The following ADAMTSL1 variants were observed in gnomAD, a reference collection of about 807,000 sequenced individuals.
ADAMTSL1 encodes the protein ADAMTS-like protein 1.
A neutral mutation model predicts 201.8 loss-of-function variants in ADAMTSL1; 126 were observed. The ratio of observed to expected loss-of-function variants is 0.62; its 90% confidence interval spans 0.54 to 0.72. ADAMTSL1 has a LOEUF of 0.72. ADAMTSL1 is among the 30% of genes least tolerant of loss of function. The pLI is 0.00. For missense variants in ADAMTSL1, 2,679 were observed against 2,277.8 expected, an observed-to-expected ratio of 1.18 and a Z score of -3.59; for synonymous variants, 1,121 against 903.4, an observed-to-expected ratio of 1.24 and a Z score of -4.32.
At chr9:18,025,162 C>A (rs1043552841) in intron 1 of ADAMTSL1, among the ~76,000 whole-genome samples, 4 of 151,944 alleles carry the variant, frequency 2.6e-5, no homozygotes, top group African/African-American at 7.2e-5. Context: ...GGCTATTAGA[C>A]CTTTGTCAGA....
At chr9:18,627,520 T>C (rs1826467998) in intron 5 of ADAMTSL1, among the ~76,000 whole-genome samples, 1 of 152,210 alleles carries the variant, frequency 6.6e-6, no homozygotes, top group Non-Finnish European at 1.5e-5. Flanking sequence ...ACAAGGTGTT[T>C]GCAGAACACA....
At position 18,693,832 on chromosome 9, in the gene ADAMTSL1, G is replaced by T. The variant is rs544829101; in HGVS notation, c.1574+9032G>T. On this transcript the variant is annotated intron_variant, in intron 13 of 28. Coordinates refer to ENST00000380548, the MANE Select transcript of ADAMTSL1 (RefSeq NM_001040272.6). ...GGTAGCTGTTCTAAGAAAATGGAAAGATGCTCAAAGATGTTAATAGGGGAC... is the reference window on the plus strand; with the variant it reads ...GGTAGCTGTTCTAAGAAAATGGAAATATGCTCAAAGATGTTAATAGGGGAC... 3.9e-5 allele frequency among the ~76,000 whole-genome samples: 6 copies of T among 152,304 alleles called. No homozygotes were observed. In the East Asian group the frequency reaches 5.8e-4, roughly 15 times the overall value.
intron 2 of ADAMTSL1, among the ~76,000 whole-genome samples, chr9:18,399,221 T>C (rs1467733402): frequency 7.4e-6 from 1 of 134,936 alleles, no homozygotes; most frequent in Admixed American, 8.2e-5. Flanking sequence ...CCAGAGATAA[T>C]TCACAAACTT....
At chr9:18,525,341 T>C (rs1564018373) in intron 2 of ADAMTSL1, among the ~76,000 whole-genome samples, 1 of 152,240 alleles carries the variant, frequency 6.6e-6, no homozygotes, top group Non-Finnish European at 1.5e-5. Flanking sequence ...TTTTCTTCTT[T>C]ATTACTCTTG....
chr9:18,865,996 A>C (rs1299908316), intron 23 of ADAMTSL1, among the ~76,000 whole-genome samples: 1 of 151,860 alleles, frequency 6.6e-6, no homozygotes, highest in Non-Finnish European at 1.5e-5. Context: ...TCGTTGAAGG[A>C]AAGGGAGGGT....
chr9:18,459,173 A>C (rs78335165), intron 2 of ADAMTSL1, among the ~76,000 whole-genome samples: 5 of 152,324 alleles, frequency 3.3e-5, no homozygotes, highest in Non-Finnish European at 5.9e-5. Context: ...TTATTTAGAC[A>C]TTCATTAAAT....
rs145592093 is a variant in ADAMTSL1 at position 18,303,326 on chromosome 9, C to T, written c.207+139345C>T. Among the ~76,000 whole-genome samples, 18 of 152,312 alleles carry T rather than the reference C, an allele frequency of 1.2e-4. No homozygotes were observed. In the East Asian group the frequency reaches 3.5e-3, roughly 29 times the overall value. On this transcript the variant is annotated intron_variant, in intron 2 of 29. Transcript: ENST00000680146. ...GAAGACCTTTCTCCACACTTTGATC[C>T]TCCCAGGAGGCAGAACTAGTCAGGT... is the stretch of plus-strand genomic sequence containing the variant.
At chr9:18,796,190 C>G (rs1231225400) in intron 20 of ADAMTSL1, among the ~76,000 whole-genome samples, 1 of 152,144 alleles carries the variant, frequency 6.6e-6, no homozygotes, top group Non-Finnish European at 1.5e-5. Context: ...ATAGGACAAA[C>G]CCATGCCTTT....
At chr9:17,974,298 G>C (rs1418182458) in intron 1 of ADAMTSL1, among the ~76,000 whole-genome samples, 1 of 151,992 alleles carries the variant, frequency 6.6e-6, no homozygotes, top group African/African-American at 2.4e-5. Flanking sequence ...AAAAGAGGAA[G>C]TCAAATTGTC....
chr9:18,474,178 G>A lies in ADAMTSL1; in HGVS notation c.-55G>A. 6.4e-7 allele frequency: 1 copy of A among 1,554,482 alleles called. No homozygotes were observed. Among genetic ancestry groups the A allele is most frequent in the East Asian group, 2.2e-5 (1 of 44,588 alleles). On this transcript the variant is annotated 5_prime_UTR_variant, in exon 1 of 29. Transcript: ENST00000380548. ...AGTACTGGATGTGACAGCAGGCAGA[G>A]GAGCACTTAGCAGCTTATTCAGTGT...
chr9:18,816,963 C>A (rs1823896308), intron 20 of ADAMTSL1, 146 bp from the exon 21 acceptor site: 5 of 1,010,008 alleles, frequency 5.0e-6, no homozygotes, highest in Admixed American at 5.8e-5. Context: ...ATACTGTGCG[C>A]TTGCAATTTT....
chr9:18,185,874 A>G (rs1012549546), intron 2 of ADAMTSL1, among the ~76,000 whole-genome samples: 20 of 152,186 alleles, frequency 1.3e-4, no homozygotes, highest in African/African-American at 3.9e-4. Context: ...AAGTTTCACA[A>G]TTATTGATGT....
intron 2 of ADAMTSL1, among the ~76,000 whole-genome samples, chr9:18,423,524 C>T (rs1019169919): frequency 3.3e-5 from 5 of 152,124 alleles, no homozygotes; most frequent in Non-Finnish European, 7.4e-5. Context: ...TTCAACAAAC[C>T]TTTCATGAGA....
At chr9:18,712,958 G>T (rs1832704587) in intron 14 of ADAMTSL1, among the ~76,000 whole-genome samples, 1 of 151,170 alleles carries the variant, frequency 6.6e-6, no homozygotes, top group Non-Finnish European at 1.5e-5. Flanking sequence ...CATTCTTAAA[G>T]AAAAGAATTT....
At chr9:18,553,175 T>A (rs1404202162) in intron 3 of ADAMTSL1, among the ~76,000 whole-genome samples, 1 of 151,074 alleles carries the variant, frequency 6.6e-6, no homozygotes, top group African/African-American at 2.4e-5. Context: ...CAATGTTTCC[T>A]CTTTTCTTCT....
rs143426557 is a variant in ADAMTSL1, at chr9:18,599,879, G to A, written c.475-22364G>A. 7.2e-3 allele frequency among the ~76,000 whole-genome samples: 1,094 copies of A among 151,030 alleles called. 13 individuals carry two copies. Among genetic ancestry groups the A allele is most frequent in the African/African-American group, 0.025 (1,037 of 41,210 alleles). On this transcript the variant is annotated intron_variant, in intron 4 of 28. Transcript: ENST00000380548. ...CTTTAAAAATCAGATCTGGCTGGGC[G>A]CGGTGGCTCACGCCTGTAATCCCAG...
intron 2 of ADAMTSL1, among the ~76,000 whole-genome samples, chr9:18,505,726 T>C (rs1823087777): frequency 1.3e-5 from 2 of 152,242 alleles, no homozygotes; most frequent in African/African-American, 4.8e-5. Flanking sequence ...TGAAAAGTGT[T>C]ATGTATAGCA....
At chr9:18,401,645 T>A (rs1817988956) in intron 2 of ADAMTSL1, among the ~76,000 whole-genome samples, 1 of 152,232 alleles carries the variant, frequency 6.6e-6, no homozygotes, top group African/African-American at 2.4e-5. Flanking sequence ...CGAGAACACA[T>A]CTAAAGGAAA....
intron 9 of ADAMTSL1, among the ~76,000 whole-genome samples, chr9:18,671,150 C>T (rs1172751143): frequency 3.9e-5 from 6 of 151,998 alleles, no homozygotes; most frequent in South Asian, 2.1e-4. Flanking sequence ...AATCCGTGGA[C>T]GCAGGACCCA....
Sources: gnomAD v4.1 joint callset for allele counts (sites outside exome capture counted in the v4.1 genomes callset) on GRCh38, gnomAD v4.1.1 for gene constraint, MANE v1.5 for transcripts, NCBI Gene and HGNC (gene_info 2026-07-23, HGNC 2026-07-21) for gene names.